The following DCC variants were observed in gnomAD, a reference collection of about 807,000 sequenced individuals.
DCC encodes the protein DCC netrin 1 receptor, also known as netrin receptor DCC.
DCC carries 58 observed loss-of-function variants against 172.5 expected under a neutral mutation model. The ratio of observed to expected loss-of-function variants is 0.34; its 90% CI spans 0.27 to 0.42. The LOEUF is 0.42. Among genes scored for constraint, DCC ranks in the 10% least tolerant of loss-of-function variants. The pLI, the probability that DCC is intolerant of heterozygous loss-of-function variation, is 1.00. For synonymous variants in DCC, 709 were observed against 644.5 expected (o/e 1.10, Z -1.52); for missense variants, 1,740 against 1,791.0 (o/e 0.97, Z 0.51).
chr18:53,201,721 TCACTGTA>T (rs2055540228), intron 9 of DCC, among the ~76,000 whole-genome samples: 1 of 152,202 alleles, frequency 6.6e-6, no homozygotes. Context: ...TACTAATGCA[TCACTGTA>T]CACTTTAAGA....
In DCC at chr18:52,352,080, T is replaced by C. The variant is rs145686087; in HGVS notation, c.91+11202T>C. Among the ~76,000 whole-genome samples the C allele has an allele frequency of 8.1e-4, 124 of 152,302 alleles. 1 individual carries two copies. The highest frequency in any genetic ancestry group is 2.8e-3 in the African/African-American group (116 of 41,582). On this transcript the variant is annotated intron_variant, in intron 1 of 28. Transcript: ENST00000442544. ...CACTGGACCTCAACTTTCCCACCTA[T>C]AAAATGGACACAAAATCAACCTCTG...
intron 7 of DCC, among the ~76,000 whole-genome samples, chr18:53,068,810 T>G (rs1279930823): frequency 1.3e-5 from 2 of 151,738 alleles, no homozygotes; most frequent in African/African-American, 4.8e-5. Context: ...TGTGTATGTG[T>G]GTGTGTGTTG....
intron 1 of DCC, among the ~76,000 whole-genome samples, chr18:52,546,124 T>C (rs1418794973): frequency 6.6e-6 from 1 of 152,076 alleles, no homozygotes; most frequent in East Asian, 1.9e-4. Flanking sequence ...AGAGGTGTCT[T>C]CCTAAATGTA....
At chr18:53,072,200 C>T (rs960532984) in intron 7 of DCC, among the ~76,000 whole-genome samples, 2 of 152,096 alleles carry the variant, frequency 1.3e-5, no homozygotes, top group South Asian at 4.1e-4. Flanking sequence ...GAGTTGCAAA[C>T]AGGTAAGCAA....
intron 5 of DCC, among the ~76,000 whole-genome samples, chr18:52,978,104 G>A (rs769383643): frequency 5.9e-5 from 9 of 151,956 alleles, no homozygotes; most frequent in East Asian, 5.8e-4. Flanking sequence ...CTAAAGAGGC[G>A]CTTGTATATC....
intron 9 of DCC, among the ~76,000 whole-genome samples, chr18:53,201,214 A>T (rs1474825376): frequency 6.6e-6 from 1 of 152,076 alleles, no homozygotes; most frequent in Non-Finnish European, 1.5e-5. Context: ...TGAATGTGTT[A>T]CAAGTCACAG....
chr18:52,359,393 G>C (rs912436343), intron 1 of DCC, among the ~76,000 whole-genome samples: 1 of 152,138 alleles, frequency 6.6e-6, no homozygotes, highest in African/African-American at 2.4e-5. Context: ...CCCATTTTAA[G>C]TAGCAATGTG....
intron 12 of DCC, among the ~76,000 whole-genome samples, chr18:53,279,563 G>C (rs567031530): frequency 6.6e-6 from 1 of 150,786 alleles, no homozygotes; most frequent in East Asian, 2.0e-4. Context: ...CGAGTTAATG[G>C]GTGCAGCACA....
At chr18:52,625,820 A>G (rs1374313111) in intron 1 of DCC, among the ~76,000 whole-genome samples, 1 of 152,148 alleles carries the variant, frequency 6.6e-6, no homozygotes, top group African/African-American at 2.4e-5. Flanking sequence ...TGCCAATGTC[A>G]GTTCTCAGGT....
At chr18:53,152,574 T>C (rs982693334) in intron 7 of DCC, among the ~76,000 whole-genome samples, 2 of 95,622 alleles carry the variant, frequency 2.1e-5, no homozygotes, top group African/African-American at 9.4e-5. Flanking sequence ...TTTAAAGATG[T>C]TCTTAAAAGA....
intron 12 of DCC, among the ~76,000 whole-genome samples, chr18:53,261,106 C>A (rs1402842419): frequency 6.6e-6 from 1 of 152,140 alleles, no homozygotes; most frequent in Non-Finnish European, 1.5e-5. Flanking sequence ...TCTCTCACCC[C>A]TTTCTTTGAC....
chr18:53,256,152 A>G (rs1298745524), intron 12 of DCC, among the ~76,000 whole-genome samples: 2 of 152,030 alleles, frequency 1.3e-5, no homozygotes, highest in African/African-American at 2.4e-5. Context: ...ATTTTCTTCC[A>G]TTCTGTAGGT....
chr18:53,104,421 C>G (rs56327309), intron 7 of DCC, among the ~76,000 whole-genome samples: 39,790 of 151,958 alleles, frequency 0.26, 6,902 homozygotes, highest in Non-Finnish European at 0.39. Flanking sequence ...CAAGCTCTCT[C>G]TCTTTGCCTA....
chr18:53,256,289 G>A (rs534959723), intron 12 of DCC, among the ~76,000 whole-genome samples: 247 of 152,224 alleles, frequency 1.6e-3, no homozygotes, highest in Middle Eastern at 6.8e-3. Context: ...GTCCTTGCCC[G>A]TGCCTATGCC....
intron 1 of DCC, among the ~76,000 whole-genome samples, chr18:52,526,690 T>C (rs765386261): frequency 1.2e-4 from 18 of 152,170 alleles, no homozygotes; most frequent in Non-Finnish European, 2.1e-4. Context: ...TATAGGCCCG[T>C]ATTATTATTT....
chr18:53,514,551 G>A (rs2046308347), intron 27 of DCC, among the ~76,000 whole-genome samples: 1 of 152,024 alleles, frequency 6.6e-6, no homozygotes, highest in Admixed American at 6.6e-5. Flanking sequence ...TAGACCACTA[G>A]CATGACTAAT....
chr18:52,789,898 A>C (rs2037727691), intron 2 of DCC, among the ~76,000 whole-genome samples: 1 of 152,194 alleles, frequency 6.6e-6, no homozygotes, highest in African/African-American at 2.4e-5. Context: ...GGACCAGACC[A>C]AGAAACTAGC....
intron 2 of DCC, among the ~76,000 whole-genome samples, chr18:52,795,070 A>G (rs183220216): frequency 3.9e-4 from 59 of 152,166 alleles, no homozygotes; most frequent in African/African-American, 1.4e-3. Flanking sequence ...TTGATCAGAA[A>G]AAATGGCCTG....
chr18:52,711,892 C>T (rs2036297800), intron 1 of DCC, among the ~76,000 whole-genome samples: 1 of 152,118 alleles, frequency 6.6e-6, no homozygotes, highest in South Asian at 2.1e-4. Flanking sequence ...TAGAACAAAC[C>T]ACTTTCTATG....
Sources: allele counts gnomAD v4.1 joint callset (sites outside exome capture counted in the v4.1 genomes callset), GRCh38; gene constraint gnomAD v4.1.1; transcripts MANE v1.5; gene names NCBI Gene and HGNC (gene_info 2026-07-23, HGNC 2026-07-21).